PTPRD: variants seen among roughly 807,000 people sequenced by gnomAD.
PTPRD encodes receptor-type tyrosine-protein phosphatase delta.
A neutral mutation model predicts 214.5 loss-of-function variants in PTPRD; 34 were observed. That is an observed-to-expected ratio of 0.16 (90% CI 0.12 to 0.21). The LOEUF is 0.21. Ranked by LOEUF, PTPRD falls within the 10% of genes least tolerant of loss-of-function variation. PTPRD has a pLI of 1.00. For missense variants in PTPRD, 2,545 were observed against 2,398.7 expected (o/e 1.06, Z -1.27); for synonymous variants, 1,128 against 845.7 (o/e 1.33, Z -5.79).
chr9:10,592,619 T>G (rs78941228), intron 2 of PTPRD, among the ~76,000 whole-genome samples: 1 of 151,886 alleles, frequency 6.6e-6, no homozygotes, highest in Admixed American at 6.6e-5. Flanking sequence ...CTTTTCTGTC[T>G]TACAAGAGGA....
intron 8 of PTPRD, among the ~76,000 whole-genome samples, chr9:9,408,412 G>T (rs2074284031): frequency 6.6e-6 from 1 of 151,724 alleles, no homozygotes; most frequent in Admixed American, 6.6e-5. Flanking sequence ...ATTCTAAAAT[G>T]TATGTGCCAT....
intron 12 of PTPRD, chr9:8,713,487 G>C: frequency 8.8e-7 from 1 of 1,133,274 alleles, no homozygotes; most frequent in Non-Finnish European, 1.3e-6. Context: ...AGTCTTCAGG[G>C]GAGACTGTCT....
chr9:8,589,227 C>G (rs1409741211), intron 14 of PTPRD, among the ~76,000 whole-genome samples: 1 of 152,120 alleles, frequency 6.6e-6, no homozygotes, highest in Non-Finnish European at 1.5e-5. Flanking sequence ...ACCCACCAAC[C>G]AAACAAGCAT....
At chr9:9,506,860 T>G (rs1286328161) in intron 8 of PTPRD, among the ~76,000 whole-genome samples, 10 of 151,408 alleles carry the variant, frequency 6.6e-5, no homozygotes, top group Non-Finnish European at 1.2e-4. Flanking sequence ...CCAGTCTTGT[T>G]AACAAGGCTG....
intron 9 of PTPRD, among the ~76,000 whole-genome samples, chr9:9,246,588 A>C (rs2099973156): frequency 6.6e-6 from 1 of 152,064 alleles, no homozygotes; most frequent in Admixed American, 6.6e-5. Flanking sequence ...AGTCTCTCCT[A>C]AACATTGACT....
chr9:10,425,154 G>T (rs528058067), intron 2 of PTPRD, among the ~76,000 whole-genome samples: 1 of 152,066 alleles, frequency 6.6e-6, no homozygotes, highest in Admixed American at 6.6e-5. Context: ...CCAGAGACCA[G>T]TGATAATGGT....
intron 8 of PTPRD, among the ~76,000 whole-genome samples, chr9:9,554,220 T>C (rs1376552217): frequency 6.6e-6 from 1 of 152,080 alleles, no homozygotes; most frequent in African/African-American, 2.4e-5. Flanking sequence ...ATCTTCAATG[T>C]TGTGCCAATA....
intron 14 of PTPRD, among the ~76,000 whole-genome samples, chr9:8,579,511 T>G (rs935982683): frequency 6.6e-6 from 1 of 152,210 alleles, no homozygotes; most frequent in African/African-American, 2.4e-5. Flanking sequence ...CACCTGCTCA[T>G]GCCAAGCATT....
chr9:9,962,403 G>C (rs554650690), intron 4 of PTPRD, among the ~76,000 whole-genome samples: 1 of 152,098 alleles, frequency 6.6e-6, no homozygotes, highest in African/African-American at 2.4e-5. Flanking sequence ...TATCTATCCA[G>C]CTAAACAAAT....
intron 3 of PTPRD, among the ~76,000 whole-genome samples, chr9:10,037,811 G>C (rs557429108): frequency 4.6e-5 from 7 of 152,218 alleles, no homozygotes; most frequent in African/African-American, 1.7e-4. Context: ...TAGCTTTAAA[G>C]AGAGCTCAAA....
At chr9:10,275,160 A>T (rs2094608554) in intron 3 of PTPRD, among the ~76,000 whole-genome samples, 1 of 152,182 alleles carries the variant, frequency 6.6e-6, no homozygotes, top group Admixed American at 6.5e-5. Flanking sequence ...ATAGATTCCC[A>T]AATTACAGCA....
At position 8,314,526 on chromosome 9, in the gene PTPRD, C is replaced by T. The variant is rs1454174028; in HGVS notation, c.*3348G>A. On this transcript the variant is annotated 3_prime_UTR_variant, in exon 46 of 46. Coordinates refer to ENST00000381196, the MANE Select transcript of PTPRD (RefSeq NM_002839.4). ...TGTTATTATCTTTGTAAAGACACTC[C>T]AAGCTGGGATGGCAAAGCCACATAA... The T allele has an allele frequency of 4.3e-6, 1 of 231,906 alleles. No homozygotes were observed. Among genetic ancestry groups the T allele is most frequent in the East Asian group, 6.1e-5 (1 of 16,488 alleles). The allele number at this position is 231,906 out of a possible 1,614,324, so 14.4% of individuals were successfully genotyped here.
chr9:8,628,916 A>C (rs557655008), intron 14 of PTPRD, among the ~76,000 whole-genome samples: 1 of 151,876 alleles, frequency 6.6e-6, no homozygotes, highest in Non-Finnish European at 1.5e-5. Context: ...TTCTATGAAC[A>C]AAGCCAGTTC....
chr9:9,704,716 AC>A (rs1286348649), intron 7 of PTPRD, among the ~76,000 whole-genome samples: 8 of 152,206 alleles, frequency 5.3e-5, no homozygotes. Flanking sequence ...ACTACCTGAG[AC>A]CACTGTGATA....
intron 3 of PTPRD, among the ~76,000 whole-genome samples, chr9:10,181,942 T>TAAAAAAAAAAAAA: frequency 2.6e-5 from 1 of 38,514 alleles, no homozygotes; most frequent in Non-Finnish European, 5.6e-5. Flanking sequence ...TCATAAATAC[T>TAAAAAAAAAAAAA]AAAAAAAAAA....
intron 3 of PTPRD, among the ~76,000 whole-genome samples, chr9:10,171,760 T>G (rs2099208704): frequency 6.6e-6 from 1 of 152,272 alleles, no homozygotes; most frequent in African/African-American, 2.4e-5. Context: ...CCTGACCTTG[T>G]GATCCACCCG....
Position 10,050,363 on chromosome 9 carries a change from G to A in PTPRD, c.-544-16573C>T, listed in dbSNP as rs188579979. On this transcript the variant is annotated intron_variant, in intron 3 of 45. Coordinates refer to ENST00000381196, the MANE Select transcript of PTPRD (RefSeq NM_002839.4). ...TCACAAGGTCAGGAGTTGGAGACCAGCCTGGCCAATATGGTGAAACATCAT... is the reference window on the plus strand; with the variant it reads ...TCACAAGGTCAGGAGTTGGAGACCAACCTGGCCAATATGGTGAAACATCAT... Among the ~76,000 whole-genome samples the A allele has an allele frequency of 7.0e-4, 106 of 151,706 alleles. 1 individual carries two copies. Among genetic ancestry groups the A allele is most frequent in the Admixed American group, 4.5e-3 (68 of 15,208 alleles).
At chr9:8,935,089 C>A (rs1401664017) in intron 11 of PTPRD, among the ~76,000 whole-genome samples, 1 of 151,970 alleles carries the variant, frequency 6.6e-6, no homozygotes, top group Admixed American at 6.6e-5. Context: ...AGACTGATTT[C>A]ATATATTGGC....
In PTPRD at chr9:9,098,113, A is replaced by G. The variant is rs2099786273; in HGVS notation, c.-142-79378T>C. 2.6e-5 allele frequency among the ~76,000 whole-genome samples: 4 copies of G among 152,170 alleles called. No homozygotes were observed. The South Asian group carries it at 8.3e-4, about 32-fold the overall frequency. On this transcript the variant is annotated intron_variant, in intron 10 of 45. Coordinates refer to ENST00000381196, the MANE Select transcript of PTPRD (RefSeq NM_002839.4). ...TTTTGTGTAATTATAAAAAATTAGC[A>G]AATGTTCATTAACCATGTATCACCT...
Sources: gnomAD v4.1 joint callset for allele counts (sites outside exome capture counted in the v4.1 genomes callset) on GRCh38, gnomAD v4.1.1 for gene constraint, MANE v1.5 for transcripts, NCBI Gene and HGNC (gene_info 2026-07-23, HGNC 2026-07-21) for gene names.